The following MYO1E variants were observed in gnomAD, a reference collection of about 807,000 sequenced individuals.
The protein encoded by MYO1E is myosin IE, also known as unconventional myosin-Ie.
In MYO1E, 68 loss-of-function variants were observed where a neutral mutation model predicts 151.1. That is an observed-to-expected ratio of 0.45 (90% confidence interval 0.37 to 0.55). The LOEUF is 0.55. Ranked by LOEUF, MYO1E falls within the 20% of genes least tolerant of loss-of-function variation. The probability of loss-of-function intolerance (pLI) is 0.00; values close to 1 mark genes in which losing one functional copy is unlikely to be tolerated. For missense variants in MYO1E, 1,363 were observed against 1,389.3 expected (o/e 0.98, Z 0.30); for synonymous variants, 601 against 501.7 (o/e 1.20, Z -2.64).
At chr15:59,285,273 C>T (rs2080380398) in intron 1 of MYO1E, among the ~76,000 whole-genome samples, 1 of 150,662 alleles carries the variant, frequency 6.6e-6, no homozygotes, top group Admixed American at 6.6e-5. Flanking sequence ...TCCTTCATCT[C>T]AGTGGAGGCT....
intron 1 of MYO1E, among the ~76,000 whole-genome samples, chr15:59,285,580 G>A (rs1596400844): frequency 6.6e-6 from 1 of 151,748 alleles, no homozygotes; most frequent in South Asian, 2.1e-4. Context: ...AACTCCTGAC[G>A]TCAAGTGATC....
intron 1 of MYO1E, among the ~76,000 whole-genome samples, chr15:59,368,949 T>A (rs925263564): frequency 5.3e-5 from 8 of 152,246 alleles, no homozygotes; most frequent in African/African-American, 1.2e-4. Context: ...TGTCCCTAGA[T>A]AATGTCCCGG....
chr15:59,277,345 G>C (rs1227784042), intron 1 of MYO1E, among the ~76,000 whole-genome samples: 2 of 152,094 alleles, frequency 1.3e-5, no homozygotes, highest in African/African-American at 4.8e-5. Flanking sequence ...AAGAGATCAA[G>C]ACCATCCCAG....
chr15:59,172,904 C>A (rs1289058087), intron 21 of MYO1E, among the ~76,000 whole-genome samples: 5 of 152,256 alleles, frequency 3.3e-5, no homozygotes, highest in African/African-American at 1.2e-4. Flanking sequence ...TGGTGCCATG[C>A]ACAGGTTGCA....
At chr15:59,179,942 C>A (rs1363270348) in intron 18 of MYO1E, among the ~76,000 whole-genome samples, 1 of 152,246 alleles carries the variant, frequency 6.6e-6, no homozygotes, top group Admixed American at 6.5e-5. Flanking sequence ...GGCCCCCAGG[C>A]CTTGAGCGAA....
chr15:59,138,103 G>T (rs775333429), intron 27 of MYO1E, 95 bp downstream of exon 27: 52 of 1,461,654 alleles, frequency 3.6e-5, no homozygotes, highest in Non-Finnish European at 4.8e-5. Flanking sequence ...AGTTTGAGGA[G>T]CCCATAAATT....
intron 1 of MYO1E, among the ~76,000 whole-genome samples, chr15:59,352,314 G>A (rs897227996): frequency 3.9e-5 from 6 of 152,172 alleles, no homozygotes; most frequent in Non-Finnish European, 8.8e-5. Flanking sequence ...TGATATCCTG[G>A]AGGGCGGCCA....
At chr15:59,302,019 C>T (rs1217731900) in intron 1 of MYO1E, among the ~76,000 whole-genome samples, 2 of 152,138 alleles carry the variant, frequency 1.3e-5, no homozygotes, top group Non-Finnish European at 2.9e-5. Flanking sequence ...AGAACACCTA[C>T]GTAAAGGTAG....
chr15:59,200,846 CA>C (rs1249387382), intron 16 of MYO1E, among the ~76,000 whole-genome samples: 1 of 152,036 alleles, frequency 6.6e-6, no homozygotes, highest in Non-Finnish European at 1.5e-5. Flanking sequence ...CTCCATTTTA[CA>C]GGGAAGCGGT....
intron 27 of MYO1E, 58 bp downstream of exon 27, chr15:59,138,140 A>G (rs1486914781): frequency 6.3e-7 from 1 of 1,584,126 alleles, no homozygotes; most frequent in Non-Finnish European, 8.7e-7. Context: ...TAGATCTTAC[A>G]GCAATGTGAC....
At chr15:59,168,566 G>C (rs1328066271) in intron 22 of MYO1E, among the ~76,000 whole-genome samples, 3 of 152,008 alleles carry the variant, frequency 2.0e-5, no homozygotes, top group East Asian at 1.9e-4. Flanking sequence ...AAGTAGTATA[G>C]AATGAACCAC....
At chr15:59,279,673 G>T (rs540820028) in intron 1 of MYO1E, among the ~76,000 whole-genome samples, 1 of 152,322 alleles carries the variant, frequency 6.6e-6, no homozygotes, top group South Asian at 2.1e-4. Context: ...CCTTTTAGGG[G>T]TAGAGCTGGT....
At chr15:59,362,303 T>G (rs2080890350) in intron 1 of MYO1E, among the ~76,000 whole-genome samples, 1 of 152,252 alleles carries the variant, frequency 6.6e-6, no homozygotes, top group South Asian at 2.1e-4. Flanking sequence ...ACTACCCTTG[T>G]GACACCTATG....
chr15:59,246,777 T>C (rs930322467), intron 4 of MYO1E, among the ~76,000 whole-genome samples: 4 of 152,140 alleles, frequency 2.6e-5, no homozygotes, highest in Non-Finnish European at 5.9e-5. Flanking sequence ...TCAGGTAAAA[T>C]ACAGAAACTG....
chr15:59,178,734 G>C (rs1215645450), intron 18 of MYO1E, among the ~76,000 whole-genome samples, 197 bp from the exon 19 acceptor site: 1 of 152,200 alleles, frequency 6.6e-6, no homozygotes, highest in Admixed American at 6.5e-5. Flanking sequence ...GCTCGTTCCC[G>C]AGCTGCCTCC....
In MYO1E at chr15:59,284,784, A is replaced by C. The variant is rs75447518; in HGVS notation, c.4-12335T>G. Among the ~76,000 whole-genome samples the C allele has an allele frequency of 4.3e-3, 662 of 152,226 alleles. 4 individuals are homozygous for C. The highest frequency in any genetic ancestry group is 0.015 in the African/African-American group (631 of 41,532). ...GCCACCGTGCCCAGCCTGGATGATTAACTTTTTAAACAGAATAACAGGCAA... is the reference window on the plus strand; with the variant it reads ...GCCACCGTGCCCAGCCTGGATGATTCACTTTTTAAACAGAATAACAGGCAA... On this transcript the variant is annotated intron_variant, in intron 1 of 27. Transcript: ENST00000288235.
intron 1 of MYO1E, among the ~76,000 whole-genome samples, chr15:59,360,966 A>C (rs1439472365): frequency 1.3e-5 from 2 of 152,196 alleles, no homozygotes; most frequent in Non-Finnish European, 2.9e-5. Flanking sequence ...GCTTCAGCCA[A>C]TGGGGATAAT....
intron 1 of MYO1E, among the ~76,000 whole-genome samples, chr15:59,332,994 G>C (rs535620513): frequency 6.6e-6 from 1 of 152,170 alleles, no homozygotes; most frequent in Non-Finnish European, 1.5e-5. Context: ...GAATTGAGCT[G>C]GACAGAGATG....
chr15:59,285,348 CTCTTTT>C (rs2080381060), intron 1 of MYO1E, among the ~76,000 whole-genome samples: 1 of 117,902 alleles, frequency 8.5e-6, no homozygotes, highest in Non-Finnish European at 1.8e-5. Flanking sequence ...AAGACACTGT[CTCTTTT>C]TTTTTTTTTT....
Sources: allele counts gnomAD v4.1 joint callset (sites outside exome capture counted in the v4.1 genomes callset), GRCh38; gene constraint gnomAD v4.1.1; transcripts MANE v1.5; gene names NCBI Gene and HGNC (gene_info 2026-07-23, HGNC 2026-07-21).